The following ANK2 variants were observed in gnomAD, a reference collection of about 807,000 sequenced individuals.
The protein encoded by ANK2 is ankyrin 2, also known as ankyrin-2.
Under a neutral mutation model 360.5 loss-of-function variants are expected in ANK2, and 83 were observed. The observed-to-expected ratio is 0.23, with a 90% CI of 0.19 to 0.28. The LOEUF is 0.28. Among genes scored for constraint, ANK2 ranks in the 10% least tolerant of loss-of-function variants. ANK2 has a pLI of 1.00. For missense variants in ANK2, 4,201 were observed against 4,795.7 expected, an observed-to-expected ratio of 0.88 and a Z score of 3.66; for synonymous variants, 1,740 against 1,759.5, an observed-to-expected ratio of 0.99 and a Z score of 0.28.
chr4:113,264,654 G>A (rs531472917), intron 13 of ANK2, among the ~76,000 whole-genome samples: 4 of 151,990 alleles, frequency 2.6e-5, no homozygotes, highest in African/African-American at 7.2e-5. Flanking sequence ...CCCTGGAGGT[G>A]GAGGTTGTGG....
the ANK2 span, among the ~76,000 whole-genome samples, chr4:112,754,744 C>T: frequency 6.6e-6 from 1 of 152,050 alleles, no homozygotes; most frequent in Non-Finnish European, 1.5e-5. Flanking sequence ...AGTTTATAAT[C>T]CCTGCTCTAA....
At chr4:112,772,788 T>C in the ANK2 span, among the ~76,000 whole-genome samples, 1 of 152,156 alleles carries the variant, frequency 6.6e-6, no homozygotes, top group Non-Finnish European at 1.5e-5. Context: ...TCCATCTTAT[T>C]AGCTGTTGGT....
intron 1 of ANK2, among the ~76,000 whole-genome samples, chr4:112,821,205 C>G (rs10461191): frequency 0.58 from 88,715 of 151,880 alleles, 26,851 homozygotes; most frequent in East Asian, 0.93. Flanking sequence ...ATGAGCCACC[C>G]CGCCCGGCCC....
At chr4:112,881,666 C>T in intron 1 of ANK2, 1 of 461,582 alleles carries the variant, frequency 2.2e-6, no homozygotes, top group Non-Finnish European at 3.9e-6. Flanking sequence ...AGAACAGAAG[C>T]TAAAATACAA....
At chr4:112,876,698 C>A (rs1463854499) in intron 1 of ANK2, among the ~76,000 whole-genome samples, 1 of 152,154 alleles carries the variant, frequency 6.6e-6, no homozygotes, top group Admixed American at 6.5e-5. Context: ...AGGCCTGTTA[C>A]CTGGTAAGGG....
chr4:113,213,476 CA>C (rs1279457755), intron 4 of ANK2, among the ~76,000 whole-genome samples: 1 of 152,128 alleles, frequency 6.6e-6, no homozygotes, highest in Non-Finnish European at 1.5e-5. Flanking sequence ...GCAGCTGTCT[CA>C]AATATAAGTC....
chr4:113,281,141 G>T, intron 17 of ANK2, among the ~76,000 whole-genome samples: 1 of 152,096 alleles, frequency 6.6e-6, no homozygotes, highest in Non-Finnish European at 1.5e-5. Context: ...GTTGTGTGAG[G>T]ATCAAGATTT....
the ANK2 span, among the ~76,000 whole-genome samples, chr4:112,719,786 C>T: frequency 2.4e-3 from 364 of 151,132 alleles, 1 homozygote; most frequent in African/African-American, 8.4e-3. Flanking sequence ...TTGGGGACTT[C>T]AGCAAAGGCT....
At chr4:112,994,697 T>A (rs1333292944) in intron 2 of ANK2, among the ~76,000 whole-genome samples, 3 of 152,164 alleles carry the variant, frequency 2.0e-5, no homozygotes, top group African/African-American at 7.2e-5. Flanking sequence ...GCATGAATGA[T>A]CCTGTCACCC....
chr4:113,112,768 T>A (rs1236895839), intron 1 of ANK2, among the ~76,000 whole-genome samples: 1 of 152,166 alleles, frequency 6.6e-6, no homozygotes, highest in East Asian at 1.9e-4. Context: ...TGAGACTGCT[T>A]CTACATCTCC....
intron 2 of ANK2, among the ~76,000 whole-genome samples, chr4:113,178,516 G>A (rs2098300676): frequency 6.7e-6 from 1 of 148,788 alleles, no homozygotes; most frequent in Non-Finnish European, 1.5e-5. Context: ...AGGTTGCAGT[G>A]AGCCAAGATT....
At chr4:112,862,567 A>T (rs932424911) in intron 1 of ANK2, among the ~76,000 whole-genome samples, 5 of 152,172 alleles carry the variant, frequency 3.3e-5, no homozygotes, top group African/African-American at 1.2e-4. Context: ...GTGAAAAAAA[A>T]GTTTATAGAC....
intron 1 of ANK2, among the ~76,000 whole-genome samples, chr4:113,139,098 C>T (rs1420869217): frequency 2.6e-5 from 4 of 152,142 alleles, no homozygotes; most frequent in Non-Finnish European, 4.4e-5. Context: ...GTCTAACTAC[C>T]ATGGCATGTG....
intron 2 of ANK2, among the ~76,000 whole-genome samples, chr4:113,001,255 T>C (rs899407651): frequency 5.6e-5 from 8 of 143,894 alleles, no homozygotes; most frequent in African/African-American, 1.8e-4. Flanking sequence ...CGCTTGAACC[T>C]GGGAGGCGGA....
intron 1 of ANK2, among the ~76,000 whole-genome samples, chr4:113,170,268 C>T (rs552601679): frequency 7.9e-5 from 12 of 152,288 alleles, no homozygotes; most frequent in East Asian, 5.8e-4. Context: ...GGTCAGTGCA[C>T]GTTGGACTAT....
the ANK2 span, among the ~76,000 whole-genome samples, chr4:112,779,166 T>C: frequency 6.6e-6 from 1 of 152,222 alleles, no homozygotes; most frequent in South Asian, 2.1e-4. Flanking sequence ...TTTTTTAATG[T>C]ACATCCTATA....
At chr4:112,727,596 T>G in the ANK2 span, among the ~76,000 whole-genome samples, 1 of 152,094 alleles carries the variant, frequency 6.6e-6, no homozygotes, top group African/African-American at 2.4e-5. Context: ...TCTACAAACC[T>G]TTAGTGAGAC....
chr4:113,063,726 A>G (rs1346139183), intron 1 of ANK2, among the ~76,000 whole-genome samples: 1 of 152,168 alleles, frequency 6.6e-6, no homozygotes, highest in African/African-American at 2.4e-5. Flanking sequence ...ATACAAATAC[A>G]TTTTTAAATT....
intron 1 of ANK2, among the ~76,000 whole-genome samples, chr4:113,080,298 G>A (rs2081888050): frequency 6.6e-6 from 1 of 152,134 alleles, no homozygotes; most frequent in Admixed American, 6.5e-5. Context: ...AACATGTCAC[G>A]TGGTTAGCTG....
Sources: gnomAD v4.1 joint callset for allele counts (sites outside exome capture counted in the v4.1 genomes callset) on GRCh38, gnomAD v4.1.1 for gene constraint, MANE v1.5 for transcripts, NCBI Gene and HGNC (gene_info 2026-07-23, HGNC 2026-07-21) for gene names.